Variants in INPP4A observed in about 807,000 individuals in gnomAD.
INPP4A encodes the protein inositol polyphosphate-4-phosphatase type I A.
In INPP4A, 33 loss-of-function variants were observed where a neutral mutation model predicts 119.8. The observed-to-expected ratio is 0.28, with a 90% CI of 0.21 to 0.37. INPP4A has a LOEUF of 0.37. INPP4A is among the 10% of genes least tolerant of loss of function. INPP4A has a pLI of 1.00. For missense variants in INPP4A, 956 were observed against 1,289.9 expected (o/e 0.74, Z 3.97); for synonymous variants, 496 against 500.7 (o/e 0.99, Z 0.12).
chr2:98,461,081 A>G (rs1697069241), intron 1 of INPP4A, among the ~76,000 whole-genome samples: 1 of 152,088 alleles, frequency 6.6e-6, no homozygotes, highest in Non-Finnish European at 1.5e-5. Flanking sequence ...GTATCTGCAC[A>G]GTGGGTGCAG....
At chr2:98,521,481 A>G (rs1302393683) in intron 4 of INPP4A, 2 of 152,242 alleles carry the variant, frequency 1.3e-5, no homozygotes, top group Admixed American at 1.3e-4. Flanking sequence ...CAGGCTAACC[A>G]CATGGCCTTG....
intron 1 of INPP4A, among the ~76,000 whole-genome samples, chr2:98,451,154 G>T (rs1205367186): frequency 1.3e-5 from 2 of 152,168 alleles, no homozygotes; most frequent in African/African-American, 4.8e-5. Context: ...TCTGGTCTTT[G>T]CACATACCTT....
intron 1 of INPP4A, among the ~76,000 whole-genome samples, chr2:98,449,604 C>T (rs1033636118): frequency 5.9e-5 from 9 of 152,180 alleles, no homozygotes; most frequent in Non-Finnish European, 1.5e-5. Flanking sequence ...TCCAAAGAGT[C>T]CTGGTTTCCT....
intron 5 of INPP4A, 33 bp from the exon 6 acceptor site, chr2:98,535,696 C>G (rs1248693403): frequency 6.0e-6 from 6 of 993,706 alleles, no homozygotes; most frequent in Non-Finnish European, 9.2e-6. Context: ...AAAATCCAAC[C>G]CTGTGTTCTG....
intron 11 of INPP4A, among the ~76,000 whole-genome samples, chr2:98,545,133 A>G (rs1471205247): frequency 1.3e-5 from 2 of 152,200 alleles, no homozygotes; most frequent in Non-Finnish European, 2.9e-5. Context: ...CCTACGTATC[A>G]GGCCATAGAG....
Position 98,536,292 on chromosome 2 carries a change from T to C in INPP4A, c.467+84T>C. ...TGGGGAAAGGACCCACTTCTTATAC[T>C]GAGAGAGCACCCTTCCCTTCCCAGA... On this transcript the variant is annotated intron_variant, in intron 7 of 24. Transcript: ENST00000409851. 8.6e-6 allele frequency: 7 copies of C among 817,038 alleles called. No homozygotes were observed. The South Asian group carries it at 1.0e-4, about 12-fold the overall frequency. 50.6% of individuals were successfully genotyped at this position (817,038 alleles called of 1,614,324 possible).
At chr2:98,473,462 G>A (rs1371222991) in intron 1 of INPP4A, among the ~76,000 whole-genome samples, 1 of 135,142 alleles carries the variant, frequency 7.4e-6, no homozygotes, top group African/African-American at 2.8e-5. Flanking sequence ...ACAGTGTGGG[G>A]ACAGTGGAGA....
intron 13 of INPP4A, among the ~76,000 whole-genome samples, chr2:98,552,011 A>T (rs1262056858): frequency 6.6e-6 from 1 of 151,994 alleles, no homozygotes; most frequent in Non-Finnish European, 1.5e-5. Context: ...TTGTGCTGGG[A>T]GGGGCTGGGC....
At chr2:98,551,537 A>G (rs149941545) in intron 13 of INPP4A, among the ~76,000 whole-genome samples, 141 of 152,250 alleles carry the variant, frequency 9.3e-4, no homozygotes, top group African/African-American at 3.2e-3. Flanking sequence ...CAGCAAGGGA[A>G]GGGGTAGTGG....
intron 1 of INPP4A, among the ~76,000 whole-genome samples, chr2:98,513,616 G>A (rs763850885): frequency 1.3e-5 from 2 of 152,212 alleles, no homozygotes; most frequent in East Asian, 3.8e-4. Flanking sequence ...AGACCTGAGC[G>A]GATGCTTGGG....
At chr2:98,547,032 C>T (rs1359413890) in intron 13 of INPP4A, among the ~76,000 whole-genome samples, 4 of 152,184 alleles carry the variant, frequency 2.6e-5, no homozygotes, top group Non-Finnish European at 5.9e-5. Context: ...CCATAGGCAT[C>T]GAGCCTGGAG....
rs1038724848 is a variant in INPP4A at position 98,482,914 on chromosome 2, G to A, written c.-165-36050G>A. Among the ~76,000 whole-genome samples the A allele has an allele frequency of 1.6e-4, 24 of 152,210 alleles. 1 individual carries two copies. Among genetic ancestry groups the A allele is most frequent in the Admixed American group, 6.5e-5 (1 of 15,286 alleles). On this transcript the variant is annotated intron_variant, in intron 1 of 24. Coordinates refer to ENST00000409851, the MANE Select transcript of INPP4A (RefSeq NM_001134225.2). ...TTTTTTAGCACTGACATGACCTTCA[G>A]AGGAAATGCTTATTGGAGCATTTTG...
chr2:98,545,967 A>T lies in INPP4A; in HGVS notation c.950-2A>T. 6.3e-7 allele frequency: 1 copy of T among 1,576,310 alleles called. No individual in the cohort carries two copies. On this transcript the variant is annotated splice_acceptor_variant, in intron 11 of 24. Transcript: ENST00000409851. LOFTEE classifies it high-confidence loss of function. ...TTTATCTTCTCCTATTCCATTTCTTAGGGCCCTCGTTTAAAGCAAGCAGTT... is the reference window on the plus strand; with the variant it reads ...TTTATCTTCTCCTATTCCATTTCTTTGGGCCCTCGTTTAAAGCAAGCAGTT...
At chr2:98,558,818 AT>A (rs1401930430) in intron 16 of INPP4A, among the ~76,000 whole-genome samples, 1 of 152,268 alleles carries the variant, frequency 6.6e-6, no homozygotes, top group Non-Finnish European at 1.5e-5. Context: ...TATAGGTGAA[AT>A]GGAATCAAAA....
chr2:98,480,836 G>A (rs987968372), intron 1 of INPP4A, among the ~76,000 whole-genome samples: 1 of 152,254 alleles, frequency 6.6e-6, no homozygotes, highest in Non-Finnish European at 1.5e-5. Flanking sequence ...GGGCGCGTGT[G>A]TCCGTCTCCG....
At chr2:98,556,646 C>T (rs574855094) in intron 16 of INPP4A, among the ~76,000 whole-genome samples, 1 of 152,280 alleles carries the variant, frequency 6.6e-6, no homozygotes, top group South Asian at 2.1e-4. Context: ...TAGGTAAGGC[C>T]CAGATGTGCT....
intron 16 of INPP4A, among the ~76,000 whole-genome samples, chr2:98,558,672 T>A (rs1012678158): frequency 1.6e-4 from 25 of 152,250 alleles, no homozygotes; most frequent in Admixed American, 1.6e-3. Flanking sequence ...AGCTCAGACA[T>A]AAATTAACAT....
chr2:98,530,039 C>T (rs13418211), intron 4 of INPP4A, among the ~76,000 whole-genome samples: 54 of 152,194 alleles, frequency 3.5e-4, no homozygotes, highest in African/African-American at 1.3e-3. Context: ...CCAGAAGCAA[C>T]AGAAGAATTC....
intron 1 of INPP4A, among the ~76,000 whole-genome samples, chr2:98,505,576 C>A (rs769693440): frequency 1.4e-4 from 21 of 152,212 alleles, no homozygotes; most frequent in Non-Finnish European, 1.9e-4. Flanking sequence ...ACAGCTTGCA[C>A]ACTCTTCCCT....
Sources: allele counts gnomAD v4.1 joint callset (sites outside exome capture counted in the v4.1 genomes callset), GRCh38; gene constraint gnomAD v4.1.1; transcripts MANE v1.5; gene names NCBI Gene and HGNC (gene_info 2026-07-23, HGNC 2026-07-21).